Variants in FAR2 observed in about 807,000 individuals in gnomAD.
FAR2 encodes epididymis secretory protein Li 81.
Under a neutral mutation model 56.0 loss-of-function variants are expected in FAR2, and 19 were observed. The observed-to-expected ratio is 0.34, with a 90% confidence interval of 0.24 to 0.50. FAR2 has a LOEUF of 0.50. FAR2 is among the 20% of genes least tolerant of loss of function. The pLI is 0.98. For missense variants in FAR2, 508 were observed against 642.2 expected, an observed-to-expected ratio of 0.79 and a Z score of 2.26; for synonymous variants, 219 against 218.8, an observed-to-expected ratio of 1.00 and a Z score of -0.01.
intron 1 of FAR2, among the ~76,000 whole-genome samples, chr12:29,194,423 C>T (rs1312111799): frequency 2.0e-5 from 3 of 151,894 alleles, no homozygotes; most frequent in Non-Finnish European, 4.4e-5. Context: ...CCATGAGACC[C>T]ACTTTCTAAG....
chr12:29,165,363 C>T (rs1949816005), intron 1 of FAR2, among the ~76,000 whole-genome samples: 2 of 152,210 alleles, frequency 1.3e-5, no homozygotes. Context: ...GAATGTTTCA[C>T]AAGTGCAAGA....
intron 1 of FAR2, among the ~76,000 whole-genome samples, chr12:29,214,877 G>A (rs749977170): frequency 1.3e-4 from 19 of 151,890 alleles, no homozygotes; most frequent in Non-Finnish European, 1.5e-4. Flanking sequence ...CGTGAACATA[G>A]GTGATATGAC....
intron 7 of FAR2, 23 bp from the exon 8 acceptor site, chr12:29,311,860 C>T: frequency 1.3e-6 from 2 of 1,521,454 alleles, no homozygotes; most frequent in Non-Finnish European, 1.8e-6. Flanking sequence ...TTGTACTTAT[C>T]TAATTTTTAT....
intron 1 of FAR2, among the ~76,000 whole-genome samples, chr12:29,203,999 CAAAAAAAAAAAAAAAAAAA>C (rs34399942): frequency 2.9e-5 from 2 of 68,116 alleles, no homozygotes; most frequent in Non-Finnish European, 4.9e-5. Context: ...GATTCCATCT[CAAAAAAAAAAAAAAAAAAA>C]AAAAAGAAAA....
chr12:29,157,714 A>T, intron 1 of FAR2, among the ~76,000 whole-genome samples: 1 of 152,230 alleles, frequency 6.6e-6, no homozygotes, highest in Admixed American at 6.5e-5. Flanking sequence ...GGTCATTGTG[A>T]GGGCACATTC....
chr12:29,286,862 C>T (rs376449753), intron 2 of FAR2, among the ~76,000 whole-genome samples: 36 of 152,066 alleles, frequency 2.4e-4, no homozygotes, highest in African/African-American at 7.2e-4. Context: ...TCACAGAATA[C>T]GATTTTAAAT....
intron 1 of FAR2, among the ~76,000 whole-genome samples, chr12:29,211,627 C>CT (rs1349472063): frequency 6.6e-6 from 1 of 151,978 alleles, no homozygotes; most frequent in Non-Finnish European, 1.5e-5. Flanking sequence ...AGTTACTGAG[C>CT]TGCAATGGTG....
intron 2 of FAR2, among the ~76,000 whole-genome samples, chr12:29,272,957 T>A (rs751700799): frequency 2.6e-5 from 4 of 152,166 alleles, no homozygotes; most frequent in Non-Finnish European, 4.4e-5. Context: ...TCTGATTTTC[T>A]GCTGTGCCTG....
chr12:29,263,789 C>T (rs748016259), intron 1 of FAR2, among the ~76,000 whole-genome samples: 3 of 151,600 alleles, frequency 2.0e-5, no homozygotes, highest in African/African-American at 7.3e-5. Flanking sequence ...AGACCAATAA[C>T]AAGTAATGAG....
intron 2 of FAR2, among the ~76,000 whole-genome samples, chr12:29,275,455 A>G (rs1193943719): frequency 6.6e-6 from 1 of 152,192 alleles, no homozygotes; most frequent in Non-Finnish European, 1.5e-5. Flanking sequence ...GCTTGGGGTC[A>G]GAGGCCTGAC....
intron 1 of FAR2, among the ~76,000 whole-genome samples, chr12:29,189,439 C>T (rs570905634): frequency 3.3e-5 from 5 of 152,226 alleles, no homozygotes; most frequent in South Asian, 2.1e-4. Flanking sequence ...AGATGCTGTA[C>T]GCTCACCTTG....
At chr12:29,179,339 G>A (rs1949971262) in intron 1 of FAR2, among the ~76,000 whole-genome samples, 2 of 152,168 alleles carry the variant, frequency 1.3e-5, no homozygotes, top group Non-Finnish European at 2.9e-5. Flanking sequence ...CTTATATGTA[G>A]CAGGCTTCTC....
chr12:29,199,728 CG>C (rs1276654845), intron 1 of FAR2, among the ~76,000 whole-genome samples: 3 of 151,900 alleles, frequency 2.0e-5, no homozygotes, highest in African/African-American at 7.3e-5. Context: ...CAAGCACTTG[CG>C]GTAAGAATGT....
intron 1 of FAR2, among the ~76,000 whole-genome samples, chr12:29,198,338 C>T (rs1161911036): frequency 6.6e-6 from 1 of 152,160 alleles, no homozygotes; most frequent in African/African-American, 2.4e-5. Context: ...ATGCCATTCT[C>T]CTGCCTCAGC....
intron 2 of FAR2, among the ~76,000 whole-genome samples, chr12:29,282,667 C>G (rs887764606): frequency 6.6e-6 from 1 of 151,954 alleles, no homozygotes; most frequent in Admixed American, 6.6e-5. Context: ...CAACTACATC[C>G]CCCAGGAAAT....
intron 1 of FAR2, among the ~76,000 whole-genome samples, chr12:29,252,422 T>A: frequency 6.6e-6 from 1 of 152,216 alleles, no homozygotes; most frequent in East Asian, 1.9e-4. Context: ...TAGCTATAAA[T>A]ACCAGCTATG....
chr12:29,320,788 A>G (rs530198954), intron 9 of FAR2, among the ~76,000 whole-genome samples: 122 of 152,300 alleles, frequency 8.0e-4, no homozygotes, highest in Admixed American at 2.1e-3. Flanking sequence ...TTTTTTGTAA[A>G]TTGTTATAAA....
At chr12:29,169,797 A>G (rs1178258178) in intron 1 of FAR2, among the ~76,000 whole-genome samples, 1 of 152,190 alleles carries the variant, frequency 6.6e-6, no homozygotes, top group Non-Finnish European at 1.5e-5. Context: ...AGTTTGTAGT[A>G]GTAGGATAAT....
At chr12:29,322,774 A>G (rs946926304) in intron 10 of FAR2, among the ~76,000 whole-genome samples, 8 of 152,224 alleles carry the variant, frequency 5.3e-5, no homozygotes, top group African/African-American at 1.9e-4. Context: ...CATGTAGAAG[A>G]AACCAAGTCA....
Sources: gnomAD v4.1 joint callset for allele counts (sites outside exome capture counted in the v4.1 genomes callset) on GRCh38, gnomAD v4.1.1 for gene constraint, MANE v1.5 for transcripts, NCBI Gene and HGNC (gene_info 2026-07-23, HGNC 2026-07-21) for gene names.